Variants in RBKS observed in about 807,000 individuals in gnomAD.
RBKS encodes the protein ribokinase.
In RBKS, 33 loss-of-function variants were observed where a neutral mutation model predicts 33.9. The ratio of observed to expected loss-of-function variants is 0.97; its 90% CI spans 0.74 to 1.30. RBKS has a LOEUF of 1.30. RBKS is among the 50% of genes most tolerant of loss of function. The pLI, the probability that RBKS is intolerant of heterozygous loss-of-function variation, is 0.00. For missense variants in RBKS, 361 were observed against 392.6 expected (o/e 0.92, Z 0.68); for synonymous variants, 125 against 143.0 (o/e 0.87, Z 0.90).
intron 2 of RBKS, among the ~76,000 whole-genome samples, chr2:27,850,698 A>G (rs1663729416): frequency 2.0e-5 from 3 of 152,220 alleles, no homozygotes. Flanking sequence ...GTCTCGATGT[A>G]CCAGAGTTTA....
chr2:27,842,659 CTT>C (rs200985638), intron 5 of RBKS, among the ~76,000 whole-genome samples: 10 of 142,896 alleles, frequency 7.0e-5, no homozygotes, highest in Admixed American at 1.4e-4. Context: ...TTCAGGAATT[CTT>C]TTTTTTTTTT....
chr2:27,857,865 T>C (rs1193924972), intron 2 of RBKS, among the ~76,000 whole-genome samples: 1 of 152,168 alleles, frequency 6.6e-6, no homozygotes, highest in Admixed American at 6.5e-5. Flanking sequence ...AACAATAAAC[T>C]TCCACAAGAA....
intron 2 of RBKS, among the ~76,000 whole-genome samples, chr2:27,848,681 G>T (rs572809267): frequency 1.3e-5 from 2 of 152,048 alleles, no homozygotes; most frequent in African/African-American, 4.8e-5. Context: ...GATTAGGTTG[G>T]CCAAGGGACC....
At chr2:27,848,164 G>T in intron 2 of RBKS, 67 bp from the exon 3 acceptor site, 1 of 898,814 alleles carries the variant, frequency 1.1e-6, no homozygotes, top group South Asian at 1.5e-5. Context: ...GTAGTTTTTA[G>T]AATACTTAGC....
intron 1 of RBKS, among the ~76,000 whole-genome samples, chr2:27,867,953 T>C (rs898034): frequency 0.69 from 105,139 of 152,006 alleles, 38,022 homozygotes; most frequent in Admixed American, 0.82. Flanking sequence ...GCTTTTAAAT[T>C]CACTGAAGAC....
chr2:27,841,143 A>G (rs944508497), intron 5 of RBKS, among the ~76,000 whole-genome samples: 5 of 152,142 alleles, frequency 3.3e-5, no homozygotes, highest in Admixed American at 1.3e-4. Context: ...GTGATGGAGG[A>G]AGCCTTTCTG....
chr2:27,809,990 T>A (rs930328454), intron 7 of RBKS: 1 of 1,304,332 alleles, frequency 7.7e-7, no homozygotes, highest in Non-Finnish European at 1.0e-6. Flanking sequence ...TTATTTATAA[T>A]GTTTCTGCTT....
intron 1 of RBKS, among the ~76,000 whole-genome samples, chr2:27,864,605 C>G (rs1236350237): frequency 6.6e-6 from 1 of 152,082 alleles, no homozygotes; most frequent in African/African-American, 2.4e-5. Flanking sequence ...GAGAGGACTT[C>G]CCAGACCACC....
At chr2:27,833,905 A>G (rs1161261898) in intron 5 of RBKS, among the ~76,000 whole-genome samples, 3 of 152,168 alleles carry the variant, frequency 2.0e-5, no homozygotes, top group African/African-American at 7.2e-5. Flanking sequence ...TCATTTGACT[A>G]TAGACCCATA....
intron 2 of RBKS, among the ~76,000 whole-genome samples, chr2:27,857,900 G>A (rs936517789): frequency 2.6e-5 from 4 of 152,334 alleles, no homozygotes; most frequent in Non-Finnish European, 4.4e-5. Flanking sequence ...TCAAGTAGAT[G>A]TATATGCATG....
Position 27,781,693 on chromosome 2 carries a change from A to G in RBKS, c.891T>C (p.Ile297=), listed in dbSNP as rs773129344. Residue 297 remains isoleucine (I), a synonymous_variant, in exon 8 of 8, where the codon ATT becomes ATC. Transcript: ENST00000302188. The part of the protein sequence containing the change: ...LEDMLNRSNF[I]AAVSVQAAGT... The stretch of plus-strand genomic sequence containing the variant: ...CTGCAGCCTGGACACTGACTGCTGC[A>G]ATGAAATTGGATCTGTTGAGCATGT... 2.3e-5 allele frequency: 37 copies of G among 1,614,020 alleles called. No homozygotes were observed. The highest frequency in any genetic ancestry group is 2.8e-5 in the Non-Finnish European group (33 of 1,180,030).
intron 7 of RBKS, among the ~76,000 whole-genome samples, chr2:27,800,306 T>C (rs1677749230): frequency 6.6e-6 from 1 of 152,172 alleles, no homozygotes; most frequent in Non-Finnish European, 1.5e-5. Context: ...TTCATACAAC[T>C]GGAAAATGTT....
At chr2:27,861,673 G>GGGGGC in intron 1 of RBKS, 1 of 412,558 alleles carries the variant, frequency 2.4e-6, no homozygotes, top group East Asian at 9.3e-5. Flanking sequence ...TGGGGGGGGG[G>GGGGGC]TGGAGTCTCA....
At chr2:27,801,379 C>T (rs1034054160) in intron 7 of RBKS, among the ~76,000 whole-genome samples, 4 of 151,140 alleles carry the variant, frequency 2.6e-5, no homozygotes, top group East Asian at 2.0e-4. Flanking sequence ...TATATCTCCC[C>T]GAAAGGGGTC....
At position 27,781,637 on chromosome 2, in the gene RBKS, T is replaced by G. The variant is rs1248532427; in HGVS notation, c.947A>C (p.Asp316Ala). 1 of 1,612,578 alleles carries G rather than the reference T, an allele frequency of 6.2e-7. No individual in the cohort carries two copies. The highest frequency in any genetic ancestry group is 1.7e-5 in the Admixed American group (1 of 59,660). Residue 316 changes from aspartate to alanine, a missense_variant, in exon 8 of 8, where the codon GAC becomes GCC. Coordinates refer to ENST00000302188, the MANE Select transcript of RBKS (RefSeq NM_022128.3). ...GTQSSYPYKK[D>A]LPLTLF is the part of the protein sequence containing the mutation. Reference sequence around the variant, plus strand: ...CAATCAAAACAGAGTAAGCGGAAGGTCTTTTTTGTAAGGGTAAGATGACTG... The same window carrying G: ...CAATCAAAACAGAGTAAGCGGAAGGGCTTTTTTGTAAGGGTAAGATGACTG...
chr2:27,814,826 T>G (rs756641672), intron 7 of RBKS, among the ~76,000 whole-genome samples: 4 of 152,182 alleles, frequency 2.6e-5, no homozygotes, highest in Non-Finnish European at 4.4e-5. Context: ...TACCACAGTA[T>G]AGAACACTTC....
chr2:27,850,596 T>G (rs1413894236), intron 2 of RBKS, among the ~76,000 whole-genome samples: 1 of 152,218 alleles, frequency 6.6e-6, no homozygotes, highest in South Asian at 2.1e-4. Flanking sequence ...TCAGATTGAC[T>G]TCTTTTACTT....
Position 27,781,422 on chromosome 2 carries a change from T to C in RBKS, c.*193A>G, listed in dbSNP as rs1677280007. The C allele has an allele frequency of 3.7e-6, 2 of 540,172 alleles. No homozygotes were observed. The highest frequency in any genetic ancestry group is 4.9e-4 in the Middle Eastern group (1 of 2,050). 33.5% of individuals were successfully genotyped at this position (540,172 alleles called of 1,614,324 possible). A position where few individuals can be genotyped will look rare whatever the true frequency, so the allele number is the denominator to read the frequency against. ...TTGGTTGTGGAATCTTTAATTCTGG[T>C]TGTTTTGTGCAAATGCATGGAAAGC... On this transcript the variant is annotated 3_prime_UTR_variant, in exon 8 of 8. Coordinates refer to ENST00000302188, the MANE Select transcript of RBKS (RefSeq NM_022128.3).
chr2:27,799,656 A>G (rs780888289), intron 7 of RBKS, among the ~76,000 whole-genome samples: 6 of 152,234 alleles, frequency 3.9e-5, no homozygotes, highest in Non-Finnish European at 8.8e-5. Context: ...GAGAGGGCAA[A>G]TGTAAACCAC....
Sources: gnomAD v4.1 joint callset for allele counts (sites outside exome capture counted in the v4.1 genomes callset) on GRCh38, gnomAD v4.1.1 for gene constraint, MANE v1.5 for transcripts, NCBI Gene and HGNC (gene_info 2026-07-23, HGNC 2026-07-21) for gene names.